BCL7C: variants seen among roughly 807,000 people sequenced by gnomAD.
BCL7C encodes the protein BAF chromatin remodeling complex subunit BCL7C, also known as B-cell CLL/lymphoma 7 protein family member C.
BCL7C carries 8 observed loss-of-function variants against 26.2 expected under a neutral mutation model. The observed-to-expected ratio is 0.30, with a 90% CI of 0.18 to 0.55. BCL7C has a LOEUF of 0.55. BCL7C is among the 20% of genes least tolerant of loss of function. The pLI is 0.93. For synonymous variants in BCL7C, 90 were observed against 116.5 expected, an observed-to-expected ratio of 0.77 and a Z score of 1.47; for missense variants, 262 against 298.5, an observed-to-expected ratio of 0.88 and a Z score of 0.90.
intron 5 of BCL7C, among the ~76,000 whole-genome samples, chr16:30,864,070 C>T (rs183893439): frequency 1.9e-4 from 29 of 152,306 alleles, no homozygotes; most frequent in Non-Finnish European, 4.4e-5. Flanking sequence ...CGTTTCTAAT[C>T]CTTCTTTAAC....
intron 5 of BCL7C, among the ~76,000 whole-genome samples, chr16:30,849,985 A>G (rs192889679): frequency 1.6e-3 from 249 of 152,102 alleles, no homozygotes; most frequent in African/African-American, 4.6e-3. Flanking sequence ...CAAGGTGGGC[A>G]GATCACAAGG....
chr16:30,857,972 C>CAAAAAA (rs58563705), intron 5 of BCL7C, among the ~76,000 whole-genome samples: 1 of 116,008 alleles, frequency 8.6e-6, no homozygotes, highest in Non-Finnish European at 1.8e-5. Flanking sequence ...ACTCCAACTC[C>CAAAAAA]AAAAAAAAAA....
In BCL7C at chr16:30,834,198, G is replaced by C. The variant is rs1199100622; in HGVS notation, c.*750C>G. ...GGGCTAGGATTTTCCAGGTAGGTTA[G>C]GCCACCAGCTCAGGGCTGCGCCAGA... On this transcript the variant is annotated 3_prime_UTR_variant, in exon 6 of 6. Coordinates refer to the BCL7C transcript ENST00000380317. This position sits in a 1 kb window ranked among gnomAD's most constrained non-coding sequence, Gnocchi z 4.3. 6.6e-6 allele frequency: 1 copy of C among 152,254 alleles called. No individual in the cohort carries two copies. Among genetic ancestry groups the C allele is most frequent in the Non-Finnish European group, 1.5e-5 (1 of 68,082 alleles). 9.4% of individuals were successfully genotyped at this position (152,254 alleles called of 1,614,324 possible).
chr16:30,885,525 T>C (rs1038949529), downstream of BCL7C, among the ~76,000 whole-genome samples: 2 of 151,958 alleles, frequency 1.3e-5, no homozygotes, highest in Non-Finnish European at 2.9e-5. Flanking sequence ...TGTCTCAGCT[T>C]CCCGAGTAGC....
At chr16:30,868,434 G>A (rs1020590819) in intron 5 of BCL7C, among the ~76,000 whole-genome samples, 19 of 144,364 alleles carry the variant, frequency 1.3e-4, no homozygotes, top group African/African-American at 4.5e-4. Flanking sequence ...ACCGCACCCC[G>A]CCAAATCTGT....
At chr16:30,841,917 T>C (rs2054604694) in intron 5 of BCL7C, among the ~76,000 whole-genome samples, 1 of 127,412 alleles carries the variant, frequency 7.8e-6, no homozygotes, top group East Asian at 2.3e-4. Flanking sequence ...ATCATGCCAC[T>C]GCACTCCAGC....
chr16:30,848,868 GGTGACAAA>G (rs1358183960), intron 5 of BCL7C, among the ~76,000 whole-genome samples: 8 of 147,892 alleles, frequency 5.4e-5, no homozygotes, highest in Non-Finnish European at 8.9e-5. Context: ...TTCCAGCCTG[GGTGACAAA>G]GTGAGACTCC....
Position 30,882,791 on chromosome 16 carries a change from T to C in BCL7C, c.528+6069A>G, listed in dbSNP as rs183819366. ...TTGGAGGTGGGCACCAGGAGGCTGT[T>C]AGTTTTGCTGGCACCTAGTAAAGCA... On this transcript the variant is annotated intron_variant, in intron 5 of 5. Transcript: ENST00000380317. Among the ~76,000 whole-genome samples the C allele has an allele frequency of 3.9e-3, 596 of 152,294 alleles. 5 individuals are homozygous for C. The highest frequency in any genetic ancestry group is 4.1e-3 in the Non-Finnish European group (282 of 68,032).
At chr16:30,850,752 T>C (rs762717301) in intron 5 of BCL7C, among the ~76,000 whole-genome samples, 1 of 152,184 alleles carries the variant, frequency 6.6e-6, no homozygotes, top group Non-Finnish European at 1.5e-5. Context: ...GAATGGAGCC[T>C]ACAGGACTGG....
At position 30,892,615 on chromosome 16, in the gene BCL7C, G is replaced by A; in HGVS notation, c.413C>T (p.Ala138Val). The A allele has an allele frequency of 6.3e-7, 1 of 1,596,732 alleles. No homozygotes were observed. Among genetic ancestry groups the A allele is most frequent in the Non-Finnish European group, 8.5e-7 (1 of 1,173,534 alleles). ...CTCTTGGCCCAGCCGTGGGGGCTGA[G>A]CCTCCTCAGGGACCCCTTCTGGGGG... Reference protein sequence around the residue: ...AGPPEGVPEEAQPPRLGQERD... With the variant: ...AGPPEGVPEEVQPPRLGQERD... Residue 138 changes from alanine (A) to valine (V), a missense_variant, in exon 4 of 6, where the codon GCT becomes GTT. By Grantham distance (64) the Ala-to-Val change is moderately conservative. Transcript: ENST00000215115.
intron 5 of BCL7C, among the ~76,000 whole-genome samples, chr16:30,842,165 A>G (rs555688047): frequency 6.6e-6 from 1 of 152,224 alleles, no homozygotes; most frequent in East Asian, 1.9e-4. Flanking sequence ...CGACTGGTAC[A>G]CTTAAGAGGA....
chr16:30,893,072 G>C lies in BCL7C; in HGVS notation c.172-124C>G. ...GTGTGGAGCAGAAAAGAGGGCAAAA[G>C]GGGAGGAGCTGCTAATGATGGTTCC... On this transcript the variant is annotated intron_variant, in intron 2 of 5. Transcript: ENST00000215115. This position sits in a 1 kb window ranked among gnomAD's most constrained non-coding sequence, Gnocchi z 5.2. 2 of 1,225,236 alleles carry C rather than the reference G, an allele frequency of 1.6e-6. No individual in the cohort carries two copies. Among genetic ancestry groups the C allele is most frequent in the Non-Finnish European group, 2.3e-6 (2 of 863,666 alleles). The allele number at this position is 1,225,236 out of a possible 1,614,324, so 75.9% of individuals were successfully genotyped here.
chr16:30,877,960 A>T (rs952342626), intron 5 of BCL7C, among the ~76,000 whole-genome samples: 3 of 147,694 alleles, frequency 2.0e-5, no homozygotes, highest in African/African-American at 7.5e-5. Flanking sequence ...GGATCACCTG[A>T]GGTCAGGAGT....
chr16:30,887,938 G>C lies in BCL7C; in HGVS notation c.581C>G (p.Ala194Gly). 3 of 1,606,736 alleles carry C rather than the reference G, an allele frequency of 1.9e-6. No individual in the cohort carries two copies. Among genetic ancestry groups the C allele is most frequent in the Non-Finnish European group, 2.5e-6 (3 of 1,176,942 alleles). ...CTCCGAGTCCTCTGTGTCACCCTGG[G>C]CTGCCTCAGGGACAGGTGGCACTGG... ...FEPVPPVPEAAQGDTEDSEGA... is the reference protein window; with the variant it reads ...FEPVPPVPEAGQGDTEDSEGA... The change falls in exon 6 of 6, where the codon GCC (alanine) becomes GGC (glycine). Residue 194 changes from alanine to glycine, a missense_variant. Coordinates refer to ENST00000215115, the MANE Select transcript of BCL7C (RefSeq NM_004765.4).
chr16:30,840,424 G>A (rs968031566), intron 5 of BCL7C, among the ~76,000 whole-genome samples: 1 of 151,890 alleles, frequency 6.6e-6, no homozygotes, highest in African/African-American at 2.4e-5. Context: ...CACCATGTTG[G>A]CCCGACTGGT....
chr16:30,878,240 CTG>C (rs1299669206), intron 5 of BCL7C, among the ~76,000 whole-genome samples: 2 of 149,628 alleles, frequency 1.3e-5, no homozygotes, highest in African/African-American at 4.9e-5. Context: ...TGTAAAATGT[CTG>C]GGGTGGGGCC....
intron 4 of BCL7C, among the ~76,000 whole-genome samples, chr16:30,891,990 G>A (rs1048902620): frequency 4.6e-5 from 7 of 151,482 alleles, no homozygotes; most frequent in African/African-American, 1.7e-4. Context: ...GCCGGGTGTG[G>A]GTGTGATGGC....
chr16:30,878,350 G>A (rs977343011), intron 5 of BCL7C, among the ~76,000 whole-genome samples: 1 of 151,508 alleles, frequency 6.6e-6, no homozygotes, highest in African/African-American at 2.4e-5. Context: ...CTAACACGGT[G>A]AAACCCCGTC....
intron 5 of BCL7C, among the ~76,000 whole-genome samples, chr16:30,859,336 G>GTCCCACCATGGTGGTTTACACCTGAAA (rs1263895928): frequency 6.6e-6 from 1 of 152,148 alleles, no homozygotes; most frequent in Non-Finnish European, 1.5e-5. Context: ...CCTAATAACA[G>GTCCCACCATGGTGGTTTACACCTGAAA]TCCCACCATG....
Sources: allele counts gnomAD v4.1 joint callset (sites outside exome capture counted in the v4.1 genomes callset), GRCh38; gene constraint gnomAD v4.1.1; non-coding constraint Gnocchi (gnomAD v3.1); transcripts MANE v1.5; gene names NCBI Gene and HGNC (gene_info 2026-07-23, HGNC 2026-07-21).